ACVR2A: variants seen among roughly 807,000 people sequenced by gnomAD.
ACVR2A encodes activin A receptor type 2A, also known as activin receptor type-2A.
In ACVR2A, 7 loss-of-function variants were observed where a neutral mutation model predicts 61.4. The ratio of observed to expected loss-of-function variants is 0.11; its 90% confidence interval spans 0.06 to 0.21. The LOEUF is 0.21. ACVR2A is among the 10% of genes least tolerant of loss of function. The pLI is 1.00. For synonymous variants in ACVR2A, 193 were observed against 208.3 expected (o/e 0.93, Z 0.63); for missense variants, 322 against 621.7 (o/e 0.52, Z 5.13).
chr2:147,905,071 CTG>C (rs1246155010), intron 4 of ACVR2A, among the ~76,000 whole-genome samples: 3 of 151,988 alleles, frequency 2.0e-5, no homozygotes, highest in African/African-American at 4.8e-5. Flanking sequence ...TCAAGACAAA[CTG>C]TACAGAAAGA....
intron 1 of ACVR2A, among the ~76,000 whole-genome samples, chr2:147,894,811 T>C (rs1686687196): frequency 6.6e-6 from 1 of 152,158 alleles, no homozygotes; most frequent in Admixed American, 6.5e-5. Flanking sequence ...AACATGCCTG[T>C]CAGATACCCA....
intron 4 of ACVR2A, among the ~76,000 whole-genome samples, chr2:147,906,453 G>T (rs1686989949): frequency 6.6e-6 from 1 of 152,138 alleles, no homozygotes. Flanking sequence ...TGGAAATGAA[G>T]GGTAAAGAGT....
chr2:147,855,630 A>G (rs998757300), intron 1 of ACVR2A, among the ~76,000 whole-genome samples: 2 of 152,132 alleles, frequency 1.3e-5, no homozygotes, highest in Non-Finnish European at 2.9e-5. Context: ...GCCTACACTT[A>G]TCAGTCTTCC....
chr2:147,928,670 C>CTGA lies in ACVR2A; in HGVS notation c.*1398_*1400dup, dbSNP rs1687567240. On this transcript the variant is annotated 3_prime_UTR_variant, in exon 11 of 11. Transcript: ENST00000241416. ...CCCAAAATTGCTTTTACAACTAACA[C>CTGA]TGATACTAATTTAGGATAGTTCATG... The CTGA allele has an allele frequency of 1.3e-5, 2 of 152,254 alleles. No homozygotes were observed. Among genetic ancestry groups the CTGA allele is most frequent in the African/African-American group, 4.8e-5 (2 of 41,372 alleles). The allele number at this position is 152,254 out of a possible 1,614,324, so 9.4% of individuals were successfully genotyped here.
chr2:147,899,414 A>G (rs780396992), intron 2 of ACVR2A, 44 bp from the exon 3 acceptor site: 24 of 1,379,720 alleles, frequency 1.7e-5, no homozygotes, highest in Non-Finnish European at 2.3e-5. Context: ...TAGGGTCAGT[A>G]TAATAATATT....
intron 1 of ACVR2A, among the ~76,000 whole-genome samples, chr2:147,869,028 G>T (rs1472969651): frequency 6.6e-6 from 1 of 152,006 alleles, no homozygotes; most frequent in African/African-American, 2.4e-5. Flanking sequence ...CCCATTTTGG[G>T]TATAAGTACT....
At chr2:147,862,754 A>G (rs977004669) in intron 1 of ACVR2A, among the ~76,000 whole-genome samples, 1 of 151,892 alleles carries the variant, frequency 6.6e-6, no homozygotes, top group Admixed American at 6.6e-5. Flanking sequence ...AAAAAAAAAA[A>G]AATTGTTTTT....
rs1686819661 is a variant in ACVR2A, at chr2:147,899,418, TA to T, written c.264-38del. The stretch of plus-strand genomic sequence containing the variant: ...AACACTTGTTGTAGGGTCAGTATAA[TA>T]ATATTGATTTTAATTATTTTTTCTC... On this transcript the variant is annotated intron_variant, in intron 2 of 10. Coordinates refer to ENST00000241416, the MANE Select transcript of ACVR2A (RefSeq NM_001616.5). 4.9e-6 allele frequency: 7 copies of T among 1,421,840 alleles called. No homozygotes were observed. In the South Asian group the frequency reaches 8.7e-5, roughly 18 times the overall value. The allele number at this position is 1,421,840 out of a possible 1,614,324, so 88.1% of individuals were successfully genotyped here. A position where few individuals can be genotyped will look rare whatever the true frequency, so the allele number is the denominator to read the frequency against.
intron 1 of ACVR2A, among the ~76,000 whole-genome samples, chr2:147,892,068 T>C (rs543929810): frequency 1.3e-5 from 2 of 152,074 alleles, no homozygotes; most frequent in African/African-American, 4.8e-5. Context: ...ACCTCCTGGG[T>C]TCAAGGGATT....
At chr2:147,910,743 T>C (rs925569315) in intron 4 of ACVR2A, among the ~76,000 whole-genome samples, 2 of 152,174 alleles carry the variant, frequency 1.3e-5, no homozygotes, top group African/African-American at 2.4e-5. Flanking sequence ...ATGAAAATCC[T>C]GTTCTCTATC....
rs1264051026 is a variant in ACVR2A, at chr2:147,868,362, GTAA to G, written c.55+23157_55+23159del. ...AGACAGGAGAGAAGAAGTGGAAAAT[GTAA>G]TGGCAGATAACGTTAGAAAAATAAG... On this transcript the variant is annotated intron_variant, in intron 1 of 10. Coordinates refer to ENST00000241416, the MANE Select transcript of ACVR2A (RefSeq NM_001616.5). Among the ~76,000 whole-genome samples, 10 of 152,302 alleles carry G rather than the reference GTAA, an allele frequency of 6.6e-5. No homozygotes were observed. The East Asian group carries it at 1.9e-3, about 29-fold the overall frequency.
intron 4 of ACVR2A, among the ~76,000 whole-genome samples, chr2:147,903,322 G>C (rs1686915147): frequency 6.6e-6 from 1 of 150,996 alleles, no homozygotes. Flanking sequence ...ATTCATCCTG[G>C]ATGAAAGCCT....
intron 1 of ACVR2A, among the ~76,000 whole-genome samples, chr2:147,847,977 G>C (rs920439078): frequency 4.6e-5 from 7 of 152,170 alleles, no homozygotes; most frequent in African/African-American, 7.2e-5. Flanking sequence ...AATTCCTTTG[G>C]ATTTTGTGGG....
chr2:147,915,660 C>T (rs538649726), intron 5 of ACVR2A, among the ~76,000 whole-genome samples: 25 of 151,962 alleles, frequency 1.6e-4, no homozygotes, highest in South Asian at 2.1e-4. Context: ...TATCCCCCTA[C>T]GTTGTCAGAG....
At chr2:147,866,987 G>T (rs1416679308) in intron 1 of ACVR2A, among the ~76,000 whole-genome samples, 1 of 152,116 alleles carries the variant, frequency 6.6e-6, no homozygotes, top group African/African-American at 2.4e-5. Context: ...GGAAGAGCTT[G>T]TAGAGAAGAT....
At chr2:147,866,972 G>A (rs1449257754) in intron 1 of ACVR2A, among the ~76,000 whole-genome samples, 7 of 152,164 alleles carry the variant, frequency 4.6e-5, no homozygotes, top group Admixed American at 6.5e-5. Context: ...AGGGAGAGAA[G>A]TTAAGGAAGA....
intron 1 of ACVR2A, chr2:147,877,294 GTTTTTTAAGAAAATGATGGATGT>G (rs1286253946): frequency 1.8e-4 from 27 of 152,038 alleles, no homozygotes; most frequent in Admixed American, 1.8e-3. Flanking sequence ...GTGGATCTTT[GTTTTTTAAGAAAATGATGGATGT>G]AAACATTTCT....
chr2:147,908,671 G>A lies in ACVR2A; in HGVS notation c.529-6520G>A, dbSNP rs1395327634. Among the ~76,000 whole-genome samples, 4 of 152,124 alleles carry A rather than the reference G, an allele frequency of 2.6e-5. No homozygotes were observed. In the East Asian group the frequency reaches 7.7e-4, roughly 29 times the overall value. ...GATAGTCTTTTTAAAATTTAAAATG[G>A]TAAAATTTCTTAGAATGTAAAATAA... On this transcript the variant is annotated intron_variant, in intron 4 of 10. Coordinates refer to ENST00000241416, the MANE Select transcript of ACVR2A (RefSeq NM_001616.5).
chr2:147,912,632 T>A (rs1457846696), intron 4 of ACVR2A, among the ~76,000 whole-genome samples: 1 of 151,960 alleles, frequency 6.6e-6, no homozygotes, highest in Non-Finnish European at 1.5e-5. Context: ...TAATTGAAAA[T>A]CATTTCTACT....
Sources: gnomAD v4.1 joint callset for allele counts (sites outside exome capture counted in the v4.1 genomes callset) on GRCh38, gnomAD v4.1.1 for gene constraint, MANE v1.5 for transcripts, NCBI Gene and HGNC (gene_info 2026-07-23, HGNC 2026-07-21) for gene names.